The following NCMAP variants were observed in gnomAD, a reference collection of about 807,000 sequenced individuals.
NCMAP encodes the protein non-compact myelin associated protein.
A neutral mutation model predicts 7.8 loss-of-function variants in NCMAP; 8 were observed. The observed-to-expected ratio is 1.02, with a 90% CI of 0.60 to 1.84. The LOEUF (loss-of-function observed/expected upper bound fraction) is 1.84. Among genes scored for constraint, NCMAP ranks in the 40% most tolerant of loss-of-function variants. The pLI is 0.00. For synonymous variants in NCMAP, 41 were observed against 52.9 expected (o/e 0.78, Z 0.98); for missense variants, 112 against 131.4 (o/e 0.85, Z 0.72).
At chr1:24,570,188 T>C (rs1465572602) in intron 1 of NCMAP, among the ~76,000 whole-genome samples, 2 of 149,966 alleles carry the variant, frequency 1.3e-5, no homozygotes, top group African/African-American at 5.1e-5. Flanking sequence ...TCAAGCAGTC[T>C]GCCCACCTTG....
intron 2 of NCMAP, among the ~76,000 whole-genome samples, chr1:24,596,132 A>G (rs1652217119): frequency 6.6e-6 from 1 of 152,050 alleles, no homozygotes; most frequent in African/African-American, 2.4e-5. Context: ...AAATACAAAG[A>G]TTAGCTGGGC....
intron 1 of NCMAP, among the ~76,000 whole-genome samples, chr1:24,587,515 T>C (rs745426042): frequency 1.3e-5 from 2 of 152,094 alleles, no homozygotes; most frequent in Non-Finnish European, 2.9e-5. Context: ...TGCCTTCTTT[T>C]CTTTTCTTTT....
intron 1 of NCMAP, among the ~76,000 whole-genome samples, chr1:24,582,525 G>A (rs945084241): frequency 6.6e-6 from 1 of 152,272 alleles, no homozygotes; most frequent in Admixed American, 6.5e-5. Flanking sequence ...GAGATGTGAT[G>A]ATGGAAGCAG....
intron 1 of NCMAP, among the ~76,000 whole-genome samples, chr1:24,577,409 TTTTTTTTTTTTTTTTTTTTTTTGG>T (rs1651611650): frequency 7.0e-6 from 1 of 143,300 alleles, no homozygotes; most frequent in Non-Finnish European, 1.5e-5. Context: ...TTGTTTTTTT[TTTTTTTTTTTTTTTTTTTTTTTGG>T]TTTTTTTGTT....
intron 1 of NCMAP, among the ~76,000 whole-genome samples, chr1:24,556,904 G>A (rs1018552208): frequency 1.3e-5 from 2 of 152,118 alleles, no homozygotes; most frequent in Non-Finnish European, 2.9e-5. Context: ...TTAGGGCAGC[G>A]CTTTGGAGTC....
At chr1:24,598,572 A>G (rs778793705) in intron 2 of NCMAP, among the ~76,000 whole-genome samples, 13 of 151,982 alleles carry the variant, frequency 8.6e-5, no homozygotes, top group Non-Finnish European at 1.8e-4. Context: ...AACATATACT[A>G]TATAAATATA....
intron 1 of NCMAP, among the ~76,000 whole-genome samples, chr1:24,586,868 G>T (rs1651897335): frequency 6.6e-6 from 1 of 152,122 alleles, no homozygotes; most frequent in Admixed American, 6.6e-5. Context: ...TCTTTCAGCA[G>T]GTGTGCTGTG....
intron 3 of NCMAP, among the ~76,000 whole-genome samples, chr1:24,605,353 C>T (rs1397387790): frequency 6.6e-6 from 1 of 152,136 alleles, no homozygotes; most frequent in Non-Finnish European, 1.5e-5. Context: ...ATAGCCACCT[C>T]TGACATCTTA....
Position 24,579,342 on chromosome 1 carries a change from C to T in NCMAP, c.-7-16082C>T, listed in dbSNP as rs549378249. Among the ~76,000 whole-genome samples, 112 of 152,164 alleles carry T rather than the reference C, an allele frequency of 7.4e-4. 1 individual carries two copies. The highest frequency in any genetic ancestry group is 2.5e-3 in the African/African-American group (105 of 41,514). On this transcript the variant is annotated intron_variant, in intron 1 of 3. Coordinates refer to ENST00000374392, the MANE Select transcript of NCMAP (RefSeq NM_001010980.5). The stretch of plus-strand genomic sequence containing the variant: ...CATTGTCTCTACTTGCCTTAAATGC[C>T]TCCATCTGTTCATTGTTTTGTTTGC...
intron 1 of NCMAP, among the ~76,000 whole-genome samples, chr1:24,593,018 A>T (rs1281637319): frequency 6.6e-6 from 1 of 152,020 alleles, no homozygotes; most frequent in Non-Finnish European, 1.5e-5. Flanking sequence ...CCATACTACT[A>T]AAAATACAAA....
At chr1:24,564,959 T>C (rs1475450446) in intron 1 of NCMAP, among the ~76,000 whole-genome samples, 1 of 152,104 alleles carries the variant, frequency 6.6e-6, no homozygotes, top group African/African-American at 2.4e-5. Flanking sequence ...ATAATAAAAA[T>C]ATTCTTAGGC....
chr1:24,605,783 GAGCC>G lies in NCMAP; in HGVS notation c.*37_*40del. ...GGCGCTATCTCCACCACTGTCCAAAGAGCCTCTCCAGAGTCAAGACCCAGAGGCA... is the reference window on the plus strand; with the variant it reads ...GGCGCTATCTCCACCACTGTCCAAAGTCTCCAGAGTCAAGACCCAGAGGCA... On this transcript the variant is annotated 3_prime_UTR_variant, in exon 4 of 4. Transcript: ENST00000374392. The G allele has an allele frequency of 6.2e-7, 1 of 1,609,088 alleles. No individual in the cohort carries two copies. The highest frequency in any genetic ancestry group is 8.5e-7 in the Non-Finnish European group (1 of 1,175,978).
Position 24,593,271 on chromosome 1 carries a change from G to A in NCMAP, c.-7-2153G>A, listed in dbSNP as rs984127281. Among the ~76,000 whole-genome samples, 5 of 152,172 alleles carry A rather than the reference G, an allele frequency of 3.3e-5. No homozygotes were observed. In the East Asian group the frequency reaches 9.7e-4, roughly 29 times the overall value. On this transcript the variant is annotated intron_variant, in intron 1 of 3. Transcript: ENST00000374392. ...GACCAAGGTGGGAGGATCGCTTTGA[G>A]TCCAGGAGTTTGAGACCAGTCTGGG...
chr1:24,602,780 C>T lies in NCMAP; in HGVS notation c.167+1756C>T, dbSNP rs577555726. Among the ~76,000 whole-genome samples, 18 of 150,498 alleles carry T rather than the reference C, an allele frequency of 1.2e-4. 1 individual carries two copies. In the South Asian group the frequency reaches 3.6e-3, roughly 30 times the overall value. ...TTAAAATAAAGGTAGCTAGGCCGGG[C>T]GTGGTGGCTCACACCTGTAATCTCA... is the stretch of plus-strand genomic sequence containing the variant. On this transcript the variant is annotated intron_variant, in intron 3 of 3. Transcript: ENST00000374392.
chr1:24,591,927 G>A (rs1270441923), intron 1 of NCMAP, among the ~76,000 whole-genome samples: 2 of 152,242 alleles, frequency 1.3e-5, no homozygotes, highest in Admixed American at 6.5e-5. Flanking sequence ...CCAGAGCCCT[G>A]AGCTGGAATG....
intron 1 of NCMAP, among the ~76,000 whole-genome samples, chr1:24,562,081 CT>C (rs1326542385): frequency 6.6e-6 from 1 of 152,108 alleles, no homozygotes; most frequent in African/African-American, 2.4e-5. Context: ...AGATCCATGC[CT>C]ACTCAATCCT....
At chr1:24,572,520 C>A (rs955365728) in intron 1 of NCMAP, among the ~76,000 whole-genome samples, 4 of 150,514 alleles carry the variant, frequency 2.7e-5, no homozygotes, top group African/African-American at 7.5e-5. Context: ...AACCTGCTAG[C>A]CCCGCCTGGC....
chr1:24,574,530 G>A lies in NCMAP; in HGVS notation c.-8+18361G>A, dbSNP rs544053186. Among the ~76,000 whole-genome samples the A allele has an allele frequency of 2.1e-4, 32 of 152,218 alleles. No homozygotes were observed. The East Asian group carries it at 4.3e-3, about 20-fold the overall frequency. ...TTCAGCTTGCAGATAGCCTGTCACC[G>A]GACTTCGCAGCCTCCACGATTGCAT... On this transcript the variant is annotated intron_variant, in intron 1 of 3. Coordinates refer to ENST00000374392, the MANE Select transcript of NCMAP (RefSeq NM_001010980.5).
At chr1:24,587,541 A>T (rs4648999) in intron 1 of NCMAP, among the ~76,000 whole-genome samples, 88,040 of 151,800 alleles carry the variant, frequency 0.58, 25,977 homozygotes, top group East Asian at 0.79. Context: ...TTTTACAGGG[A>T]CTCACTCTGT....
Sources: gnomAD v4.1 joint callset for allele counts (sites outside exome capture counted in the v4.1 genomes callset) on GRCh38, gnomAD v4.1.1 for gene constraint, MANE v1.5 for transcripts, NCBI Gene and HGNC (gene_info 2026-07-23, HGNC 2026-07-21) for gene names.